The following VANGL2 variants were observed in gnomAD, a reference collection of about 807,000 sequenced individuals.
VANGL2 encodes the protein vang-like protein 2.
Under a neutral mutation model 50.2 loss-of-function variants are expected in VANGL2, and 14 were observed. The observed-to-expected ratio is 0.28, with a 90% CI of 0.18 to 0.44. The LOEUF (loss-of-function observed/expected upper bound fraction) is 0.44. VANGL2 is among the 20% of genes least tolerant of loss of function. The probability of loss-of-function intolerance (pLI) is 1.00; values close to 1 mark genes in which losing one functional copy is unlikely to be tolerated. For missense variants in VANGL2, 533 were observed against 701.5 expected (o/e 0.76, Z 2.71); for synonymous variants, 295 against 297.2 (o/e 0.99, Z 0.08).
chr1:160,425,508 C>A lies in VANGL2; in HGVS notation c.*130C>A. Reference sequence around the variant, plus strand: ...GCTCTTTTTTTTTTACTTGAATTAACGCACCCCCACCTTCTCTCCTCGCTT... The same window carrying A: ...GCTCTTTTTTTTTTACTTGAATTAAAGCACCCCCACCTTCTCTCCTCGCTT... On this transcript the variant is annotated 3_prime_UTR_variant, in exon 8 of 8. Coordinates refer to ENST00000368061, the MANE Select transcript of VANGL2 (RefSeq NM_020335.3). The A allele has an allele frequency of 1.2e-6, 1 of 858,084 alleles. No individual in the cohort carries two copies. The highest frequency in any genetic ancestry group is 1.7e-6 in the Non-Finnish European group (1 of 572,678). 53.2% of individuals were successfully genotyped at this position (858,084 alleles called of 1,614,324 possible).
rs1651473933 is a variant in VANGL2, at chr1:160,426,897, T to TCATGGGA, written c.*1520_*1521insATGGGAC. The TCATGGGA allele has an allele frequency of 6.6e-6, 1 of 152,316 alleles. No homozygotes were observed. The allele number at this position is 152,316 out of a possible 1,614,324, so 9.4% of individuals were successfully genotyped here. ...GTTGGTACTTACCTTGCAGAGCACA[T>TCATGGGA]CCTGGGATAAGATCCCCAGTGTCTC... On this transcript the variant is annotated 3_prime_UTR_variant, in exon 8 of 8. Transcript: ENST00000368061.
At chr1:160,403,596 G>A (rs1650556744) in intron 1 of VANGL2, among the ~76,000 whole-genome samples, 3 of 152,162 alleles carry the variant, frequency 2.0e-5, no homozygotes, top group South Asian at 2.1e-4. Context: ...AGTTAATGGG[G>A]AGGGAACTTG....
chr1:160,408,393 G>T (rs1410689303), intron 1 of VANGL2, among the ~76,000 whole-genome samples: 1 of 152,168 alleles, frequency 6.6e-6, no homozygotes, highest in East Asian at 1.9e-4. Flanking sequence ...GGTGGAGAGG[G>T]GCTTGGCTCT....
At chr1:160,414,936 T>C (rs1242218850) in intron 1 of VANGL2, among the ~76,000 whole-genome samples, 1 of 152,134 alleles carries the variant, frequency 6.6e-6, no homozygotes, top group East Asian at 1.9e-4. Flanking sequence ...AATAGGCAGA[T>C]AAACTTGTGC....
In VANGL2 at chr1:160,424,176, C is replaced by A; in HGVS notation, c.1198C>A (p.Arg400Ser). The A allele has an allele frequency of 6.2e-7, 1 of 1,614,178 alleles. No individual in the cohort carries two copies. Among genetic ancestry groups the A allele is most frequent in the Non-Finnish European group, 8.5e-7 (1 of 1,180,030 alleles). The part of the protein sequence containing the change: ...AAQAIFASMA[R>S]AMQKYLRTTK... ...CCAAGCCATCTTTGCATCCATGGCC[C>A]GTGCCATGCAGAAGTACCTTCGGAC... is the stretch of plus-strand genomic sequence containing the variant. Residue 400 changes from arginine to serine, a missense_variant, in exon 7 of 8, where the codon CGT (arginine) becomes AGT (serine). Transcript: ENST00000368061.
In VANGL2 at chr1:160,418,775, G is replaced by A. The variant is rs577874541; in HGVS notation, c.193-227G>A. Among the ~76,000 whole-genome samples, 4 of 152,292 alleles carry A rather than the reference G, an allele frequency of 2.6e-5. No homozygotes were observed. The East Asian group carries it at 7.7e-4, about 29-fold the overall frequency. ...CCAGTGTCCAGCTCCCCGAGGGCTCGGGTCTTGGATTTGGCCATCTGCAGA... is the reference window on the plus strand; with the variant it reads ...CCAGTGTCCAGCTCCCCGAGGGCTCAGGTCTTGGATTTGGCCATCTGCAGA... On this transcript the variant is annotated intron_variant, in intron 3 of 7. Coordinates refer to ENST00000368061, the MANE Select transcript of VANGL2 (RefSeq NM_020335.3).
intron 1 of VANGL2, among the ~76,000 whole-genome samples, chr1:160,409,229 C>G (rs1482532329): frequency 6.6e-6 from 1 of 152,238 alleles, no homozygotes; most frequent in South Asian, 2.1e-4. Context: ...AAGAGGAGCA[C>G]TCCTCAAAGT....
At position 160,425,422 on chromosome 1, in the gene VANGL2, GGGGGTGGGA is replaced by G; in HGVS notation, c.*49_*57del. On this transcript the variant is annotated 3_prime_UTR_variant, in exon 8 of 8. Transcript: ENST00000368061. The stretch of plus-strand genomic sequence containing the variant: ...AGTGGGAAACTCTGGGGGGTCCTGA[GGGGGTGGGA>G]GGGGGCTTGGTTCTCAGGCCCAGCC... 2 of 1,288,664 alleles carry G rather than the reference GGGGGTGGGA, an allele frequency of 1.6e-6. No individual in the cohort carries two copies. The highest frequency in any genetic ancestry group is 1.5e-5 in the South Asian group (1 of 66,428). The allele number at this position is 1,288,664 out of a possible 1,614,324, so 79.8% of individuals were successfully genotyped here.
chr1:160,415,087 T>C (rs1329610595), intron 1 of VANGL2, among the ~76,000 whole-genome samples: 1 of 152,136 alleles, frequency 6.6e-6, no homozygotes, highest in Admixed American at 6.5e-5. Context: ...GCCAGCCTGA[T>C]CTTACCGGTA....
At chr1:160,421,486 TC>T (rs147549916) in intron 6 of VANGL2, among the ~76,000 whole-genome samples, 3,294 of 152,302 alleles carry the variant, frequency 0.022, 42 homozygotes, top group Non-Finnish European at 0.035. Context: ...TCTTTCAAGC[TC>T]ATTATTATGG....
intron 5 of VANGL2, 86 bp from the exon 6 acceptor site, chr1:160,420,966 G>A: frequency 6.3e-7 from 1 of 1,582,890 alleles, no homozygotes; most frequent in Non-Finnish European, 8.6e-7. Flanking sequence ...TTCTGGACAT[G>A]TCAGGCTGCT....
At position 160,419,416 on chromosome 1, in the gene VANGL2, C is replaced by A. The variant is rs370430404; in HGVS notation, c.607C>A (p.Arg203Ser). The A allele has an allele frequency of 3.7e-6, 6 of 1,611,946 alleles. No individual in the cohort carries two copies. The highest frequency in any genetic ancestry group is 4.2e-6 in the Non-Finnish European group (5 of 1,180,018). The change falls in exon 4 of 8, where the codon CGC (arginine) becomes AGC (serine). Residue 203 changes from arginine (R) to serine (S), a missense_variant. Coordinates refer to ENST00000368061, the MANE Select transcript of VANGL2 (RefSeq NM_020335.3). The surrounding 1 kb of genome is among the most constrained non-coding windows in gnomAD (Gnocchi z 5.8). The stretch of plus-strand genomic sequence containing the variant: ...CTCCTACTGGCTCTTCTATGGTGTG[C>A]GCATCCTGGATGCTCGGGAGCGCAG... Reference protein sequence around the residue: ...VVSYWLFYGVRILDARERSYQ... With the variant: ...VVSYWLFYGVSILDARERSYQ...
rs1169201695 is a variant in VANGL2 at position 160,419,961 on chromosome 1, C to T, written c.800+352C>T. On this transcript the variant is annotated intron_variant, in intron 4 of 7. Coordinates refer to ENST00000368061, the MANE Select transcript of VANGL2 (RefSeq NM_020335.3). The surrounding 1 kb of genome is among the most constrained non-coding windows in gnomAD (Gnocchi z 5.8). ...CTTTTCTAGTCCTTTCTGGGAGGCG[C>T]AGCTTCTTGTGAGCACTCAGAGTGG... Among the ~76,000 whole-genome samples the T allele has an allele frequency of 6.6e-6, 1 of 152,094 alleles. No homozygotes were observed. The highest frequency in any genetic ancestry group is 1.5e-5 in the Non-Finnish European group (1 of 68,022).
chr1:160,421,721 T>C (rs1159264352), intron 6 of VANGL2, among the ~76,000 whole-genome samples: 1 of 152,180 alleles, frequency 6.6e-6, no homozygotes, highest in Non-Finnish European at 1.5e-5. Context: ...GATTGTTGTC[T>C]AATGAGGGGA....
chr1:160,407,240 C>T (rs1425677426), intron 1 of VANGL2, among the ~76,000 whole-genome samples: 6 of 152,052 alleles, frequency 3.9e-5, no homozygotes, highest in African/African-American at 9.7e-5. Flanking sequence ...GGGGGGTGGT[C>T]GCGATGGTGG....
chr1:160,410,447 C>T (rs1308551408), intron 1 of VANGL2, among the ~76,000 whole-genome samples: 2 of 152,152 alleles, frequency 1.3e-5, no homozygotes, highest in African/African-American at 4.8e-5. Context: ...CACCCCAGGC[C>T]TAAAGTAGCC....
chr1:160,406,165 G>A (rs768738957), intron 1 of VANGL2, among the ~76,000 whole-genome samples: 72 of 152,270 alleles, frequency 4.7e-4, no homozygotes, highest in Admixed American at 6.5e-4. Context: ...AAAGGGGAGC[G>A]ACTCACCTGA....
chr1:160,424,428 C>T (rs1651379176), intron 7 of VANGL2, 145 bp downstream of exon 7: 2 of 908,124 alleles, frequency 2.2e-6, no homozygotes, highest in Non-Finnish European at 3.5e-6. Context: ...AATCTTCTCT[C>T]TCATTCCTAT....
At position 160,419,702 on chromosome 1, in the gene VANGL2, G is replaced by A. The variant is rs1651200126; in HGVS notation, c.800+93G>A. ...GGTGGGAGGGTATGATGGTGGGCTGGAGGTGATGGGCTTGGAGGGTTGTGT... is the reference window on the plus strand; with the variant it reads ...GGTGGGAGGGTATGATGGTGGGCTGAAGGTGATGGGCTTGGAGGGTTGTGT... On this transcript the variant is annotated intron_variant, in intron 4 of 7. Transcript: ENST00000368061. The surrounding 1 kb of genome is among the most constrained non-coding windows in gnomAD (Gnocchi z 5.8). 2 of 1,515,544 alleles carry A rather than the reference G, an allele frequency of 1.3e-6. No homozygotes were observed. Among genetic ancestry groups the A allele is most frequent in the African/African-American group, 2.8e-5 (2 of 72,540 alleles). The allele number at this position is 1,515,544 out of a possible 1,614,324, so 93.9% of individuals were successfully genotyped here.
Sources: gnomAD v4.1 joint callset for allele counts (sites outside exome capture counted in the v4.1 genomes callset) on GRCh38, gnomAD v4.1.1 for gene constraint, Gnocchi (gnomAD v3.1) non-coding constraint, MANE v1.5 for transcripts, NCBI Gene and HGNC (gene_info 2026-07-23, HGNC 2026-07-21) for gene names.